Variants in LRMDA observed in about 807,000 individuals in gnomAD.
LRMDA encodes leucine rich melanocyte differentiation associated.
A neutral mutation model predicts 29.8 loss-of-function variants in LRMDA; 18 were observed. That is an observed-to-expected ratio of 0.60 (90% CI 0.42 to 0.90). LRMDA has a LOEUF of 0.90. Ranked by LOEUF, LRMDA falls within the 40% of genes least tolerant of loss-of-function variation. The pLI is 0.00. For missense variants in LRMDA, 273 were observed against 273.9 expected, an observed-to-expected ratio of 1.00 and a Z score of 0.02; for synonymous variants, 125 against 109.4, an observed-to-expected ratio of 1.14 and a Z score of -0.89.
At chr10:75,741,937 G>C (rs1474760935) in intron 2 of LRMDA, among the ~76,000 whole-genome samples, 7 of 152,150 alleles carry the variant, frequency 4.6e-5, no homozygotes, top group Non-Finnish European at 1.0e-4. Flanking sequence ...CTTATAAAAG[G>C]AATCCGTGAG....
At chr10:75,548,264 A>G (rs1219727268) in intron 2 of LRMDA, among the ~76,000 whole-genome samples, 1 of 152,204 alleles carries the variant, frequency 6.6e-6, no homozygotes, top group Non-Finnish European at 1.5e-5. Flanking sequence ...ATATTTTTGC[A>G]GATTAACCTT....
chr10:75,731,360 C>T (rs1009679155), intron 2 of LRMDA, among the ~76,000 whole-genome samples: 1 of 152,158 alleles, frequency 6.6e-6, no homozygotes, highest in Non-Finnish European at 1.5e-5. Flanking sequence ...TTTTTTAGCA[C>T]TTTCTGTGTA....
intron 5 of LRMDA, among the ~76,000 whole-genome samples, chr10:76,252,841 G>A (rs1035365731): frequency 2.6e-5 from 4 of 152,108 alleles, no homozygotes; most frequent in Non-Finnish European, 5.9e-5. Flanking sequence ...ACTTGTAATC[G>A]CCTTCGTTTT....
In LRMDA at chr10:75,523,273, T is replaced by TG. The variant is rs530561059; in HGVS notation, c.131+84781dup. Among the ~76,000 whole-genome samples, 706 of 152,312 alleles carry TG rather than the reference T, an allele frequency of 4.6e-3. 1 individual carries two copies. The highest frequency in any genetic ancestry group is 0.017 in the Middle Eastern group (5 of 294). On this transcript the variant is annotated intron_variant, in intron 2 of 6. Coordinates refer to ENST00000611255, the MANE Select transcript of LRMDA (RefSeq NM_001305581.2). ...ATGAGCATGTGTGCATGCATCCTGC[T>TG]GGAAATGCCTGTGTCATACTGAGGA...
At chr10:76,527,049 CAA>C (rs34187065) in intron 6 of LRMDA, among the ~76,000 whole-genome samples, 32,416 of 105,226 alleles carry the variant, frequency 0.31, 3,687 homozygotes, top group Non-Finnish European at 0.36. Context: ...TCAGGTCTGA[CAA>C]AAAAAAAAAA....
intron 6 of LRMDA, among the ~76,000 whole-genome samples, chr10:76,334,636 G>T (rs148382158): frequency 6.6e-6 from 1 of 152,312 alleles, no homozygotes; most frequent in Non-Finnish European, 1.5e-5. Flanking sequence ...GGGCTGGTCT[G>T]GGGAGAGGGC....
intron 5 of LRMDA, among the ~76,000 whole-genome samples, chr10:76,087,313 A>T (rs1849153325): frequency 6.6e-6 from 1 of 152,194 alleles, no homozygotes; most frequent in African/African-American, 2.4e-5. Context: ...AGGTTTTGCC[A>T]CTTACTTGTT....
intron 2 of LRMDA, among the ~76,000 whole-genome samples, chr10:75,556,403 A>G (rs573880518): frequency 1.2e-4 from 19 of 152,326 alleles, no homozygotes; most frequent in Admixed American, 2.0e-4. Context: ...AGAATTCTCT[A>G]TCCAGAAGTA....
chr10:75,551,170 T>G (rs1840138613), intron 2 of LRMDA, among the ~76,000 whole-genome samples: 1 of 151,696 alleles, frequency 6.6e-6, no homozygotes, highest in South Asian at 2.1e-4. Context: ...ATCTTTTTTT[T>G]TTTTTTTAAC....
At chr10:75,903,367 T>G (rs1845707153) in intron 2 of LRMDA, among the ~76,000 whole-genome samples, 1 of 152,182 alleles carries the variant, frequency 6.6e-6, no homozygotes, top group African/African-American at 2.4e-5. Flanking sequence ...AATTGGTACA[T>G]TAGGGCAAAA....
At chr10:76,553,143 G>A (rs1263252857) in intron 6 of LRMDA, among the ~76,000 whole-genome samples, 3 of 152,194 alleles carry the variant, frequency 2.0e-5, no homozygotes, top group African/African-American at 4.8e-5. Context: ...GAATTCCCCA[G>A]GGGATGTTGC....
chr10:75,735,402 AGGTTG>A (rs1281846309), intron 2 of LRMDA, among the ~76,000 whole-genome samples: 2 of 152,210 alleles, frequency 1.3e-5, no homozygotes, highest in Non-Finnish European at 1.5e-5. Context: ...TTTCTTGGTT[AGGTTG>A]AGTTGAGTTG....
chr10:76,416,537 A>G (rs749970127), intron 6 of LRMDA, among the ~76,000 whole-genome samples: 9 of 152,228 alleles, frequency 5.9e-5, no homozygotes, highest in Non-Finnish European at 1.3e-4. Flanking sequence ...CAATTTGTAA[A>G]CAATAAATTA....
chr10:76,082,246 A>C (rs1294128417), intron 5 of LRMDA, among the ~76,000 whole-genome samples: 1 of 152,188 alleles, frequency 6.6e-6, no homozygotes, highest in East Asian at 1.9e-4. Context: ...CCCCTTGTCT[A>C]TCAAGGGATG....
rs144200190 is a variant in LRMDA at position 76,339,809 on chromosome 10, TAA to T, written c.601+15325_601+15326del. ...ACCAGTGCTGTCTCAAGAAGAAATA[TAA>T]GTCTAAACAGAGAAAAAAATAAGAT... On this transcript the variant is annotated intron_variant, in intron 6 of 6. Coordinates refer to ENST00000611255, the MANE Select transcript of LRMDA (RefSeq NM_001305581.2). 5.7e-3 allele frequency among the ~76,000 whole-genome samples: 866 copies of T among 152,156 alleles called. 9 individuals carry two copies. Among genetic ancestry groups the T allele is most frequent in the African/African-American group, 0.019 (769 of 41,564 alleles).
chr10:75,562,625 C>T (rs1319868406), intron 2 of LRMDA, among the ~76,000 whole-genome samples: 7 of 152,172 alleles, frequency 4.6e-5, no homozygotes, highest in South Asian at 2.1e-4. Flanking sequence ...TTCCTAGCCT[C>T]GATGGTCTTT....
intron 2 of LRMDA, among the ~76,000 whole-genome samples, chr10:75,903,282 C>G (rs1034747105): frequency 1.3e-5 from 2 of 152,206 alleles, no homozygotes; most frequent in Non-Finnish European, 2.9e-5. Flanking sequence ...TAACTGAGCA[C>G]AGGTCAGCTC....
chr10:75,531,903 A>T (rs1845481567), intron 2 of LRMDA, among the ~76,000 whole-genome samples: 1 of 151,866 alleles, frequency 6.6e-6, no homozygotes, highest in Non-Finnish European at 1.5e-5. Flanking sequence ...CTTAAAAAAA[A>T]AAAAAATTGG....
chr10:75,783,895 C>T (rs1220019847), intron 2 of LRMDA, among the ~76,000 whole-genome samples: 1 of 152,186 alleles, frequency 6.6e-6, no homozygotes, highest in Admixed American at 6.5e-5. Flanking sequence ...ATAAATAATA[C>T]ATTGCCTGGT....
Sources: gnomAD v4.1 joint callset for allele counts (sites outside exome capture counted in the v4.1 genomes callset) on GRCh38, gnomAD v4.1.1 for gene constraint, MANE v1.5 for transcripts, NCBI Gene and HGNC (gene_info 2026-07-23, HGNC 2026-07-21) for gene names.